SOCS5: variants seen among roughly 807,000 people sequenced by gnomAD.
The protein encoded by SOCS5 is CIS-6.
A neutral mutation model predicts 42.8 loss-of-function variants in SOCS5; 32 were observed. The observed-to-expected ratio is 0.75, with a 90% CI of 0.56 to 1.01. SOCS5 has a LOEUF of 1.01. Ranked by LOEUF, SOCS5 falls within the 50% of genes least tolerant of loss-of-function variation. The probability of loss-of-function intolerance (pLI) is 0.00; values close to 1 mark genes in which losing one functional copy is unlikely to be tolerated. For missense variants in SOCS5, 627 were observed against 653.0 expected, an observed-to-expected ratio of 0.96 and a Z score of 0.43; for synonymous variants, 283 against 229.6, an observed-to-expected ratio of 1.23 and a Z score of -2.10.
At chr2:46,700,973 C>A (rs1428076894) in intron 1 of SOCS5, among the ~76,000 whole-genome samples, 1 of 152,124 alleles carries the variant, frequency 6.6e-6, no homozygotes, top group Non-Finnish European at 1.5e-5. Flanking sequence ...GCCCTTTTAT[C>A]CATCAGAGAA....
chr2:46,717,241 C>T (rs973040811), intron 1 of SOCS5, among the ~76,000 whole-genome samples: 6 of 152,184 alleles, frequency 3.9e-5, no homozygotes, highest in Non-Finnish European at 8.8e-5. Context: ...CTTAGTGAGA[C>T]TACTGACTCT....
intron 1 of SOCS5, among the ~76,000 whole-genome samples, chr2:46,744,324 T>G (rs1398019857): frequency 6.6e-6 from 1 of 152,090 alleles, no homozygotes. Flanking sequence ...TGGAATAATA[T>G]AAGACCACTT....
chr2:46,763,001 T>A lies in SOCS5; in HGVS notation c.*2860T>A, dbSNP rs1673903863. ...GCATTTCCACCTGATACAAAAACAT[T>A]TAGAGATCTTATTCTATAGATATTA... On this transcript the variant is annotated 3_prime_UTR_variant, in exon 2 of 2. Coordinates refer to ENST00000394861, the MANE Select transcript of SOCS5 (RefSeq NM_144949.3). The A allele has an allele frequency of 6.0e-6, 1 of 167,076 alleles. No individual in the cohort carries two copies. The highest frequency in any genetic ancestry group is 2.1e-4 in the South Asian group (1 of 4,824). 10.3% of individuals were successfully genotyped at this position (167,076 alleles called of 1,614,324 possible).
intron 1 of SOCS5, among the ~76,000 whole-genome samples, chr2:46,749,203 A>G (rs766882481): frequency 6.6e-6 from 1 of 152,216 alleles, no homozygotes; most frequent in Non-Finnish European, 1.5e-5. Context: ...TGGGATATCA[A>G]TGCAGAACTG....
chr2:46,711,659 T>G (rs1672625563), intron 1 of SOCS5, among the ~76,000 whole-genome samples: 1 of 152,194 alleles, frequency 6.6e-6, no homozygotes, highest in Non-Finnish European at 1.5e-5. Flanking sequence ...ATGCTAGTGT[T>G]TTTCTGGGTC....
chr2:46,720,682 T>C (rs1672858381), intron 1 of SOCS5, among the ~76,000 whole-genome samples: 1 of 152,198 alleles, frequency 6.6e-6, no homozygotes, highest in Non-Finnish European at 1.5e-5. Context: ...GTAAGGGATC[T>C]GGTCCAATTC....
chr2:46,742,467 C>T (rs1021826368), intron 1 of SOCS5, among the ~76,000 whole-genome samples: 1 of 151,234 alleles, frequency 6.6e-6, no homozygotes, highest in Non-Finnish European at 1.5e-5. Context: ...TGTATCATGT[C>T]GTTTCCATAT....
In SOCS5 at chr2:46,758,540, G is replaced by A. The variant is rs1673778216; in HGVS notation, c.10G>A (p.Val4Met). MDKVGKMWNNFKYR... is the reference protein window; with the variant it reads MDKMGKMWNNFKYR... Reference sequence around the variant, plus strand: ...TTAGATTTTATAATCAATGGATAAAGTGGGAAAAATGTGGAATAACTTCAA... The same window carrying A: ...TTAGATTTTATAATCAATGGATAAAATGGGAAAAATGTGGAATAACTTCAA... The change falls in exon 2 of 2, where the codon GTG becomes ATG. Residue 4 changes from valine (V) to methionine (M), a missense_variant. This residue lies in a region of SOCS5 where 278 missense variants were observed against 246.3 expected (regional missense o/e 1.13). Transcript: ENST00000394861. 1 of 1,586,592 alleles carries A rather than the reference G, an allele frequency of 6.3e-7. No homozygotes were observed. The highest frequency in any genetic ancestry group is 1.7e-4 in the Middle Eastern group (1 of 5,894).
At chr2:46,735,565 T>C (rs1345388307) in intron 1 of SOCS5, among the ~76,000 whole-genome samples, 2 of 151,984 alleles carry the variant, frequency 1.3e-5, no homozygotes, top group Non-Finnish European at 2.9e-5. Context: ...TTAGGCTATA[T>C]TGTCATTTGC....
chr2:46,736,042 C>G (rs929347963), intron 1 of SOCS5, among the ~76,000 whole-genome samples: 18 of 151,070 alleles, frequency 1.2e-4, no homozygotes, highest in African/African-American at 3.9e-4. Context: ...CTCTTTCCCC[C>G]TCTCTCCCTC....
chr2:46,713,699 G>A (rs557667194), intron 1 of SOCS5, among the ~76,000 whole-genome samples: 1 of 151,762 alleles, frequency 6.6e-6, no homozygotes, highest in Admixed American at 6.6e-5. Flanking sequence ...CTTACTTTGG[G>A]TTTAATTTGC....
At chr2:46,758,181 C>G (rs1192832206) in intron 1 of SOCS5, among the ~76,000 whole-genome samples, 4 of 152,174 alleles carry the variant, frequency 2.6e-5, no homozygotes, top group Non-Finnish European at 5.9e-5. Context: ...CATATTTTGC[C>G]TTTGTAATAT....
chr2:46,745,789 A>T (rs1355908744), intron 1 of SOCS5, among the ~76,000 whole-genome samples: 1 of 152,160 alleles, frequency 6.6e-6, no homozygotes, highest in African/African-American at 2.4e-5. Flanking sequence ...ACCATTTGAA[A>T]TTTAATTTTT....
chr2:46,707,577 G>T (rs1672524758), intron 1 of SOCS5, among the ~76,000 whole-genome samples: 1 of 152,210 alleles, frequency 6.6e-6, no homozygotes, highest in South Asian at 2.1e-4. Flanking sequence ...ACCGAGGCAG[G>T]AGGGGAACAA....
intron 1 of SOCS5, among the ~76,000 whole-genome samples, chr2:46,704,188 A>T (rs1304547095): frequency 6.6e-6 from 1 of 152,250 alleles, no homozygotes; most frequent in Non-Finnish European, 1.5e-5. Flanking sequence ...TTAAAATTGT[A>T]TTTGAAATGG....
chr2:46,755,515 C>T (rs1304948948), intron 1 of SOCS5, among the ~76,000 whole-genome samples: 1 of 152,076 alleles, frequency 6.6e-6, no homozygotes, highest in African/African-American at 2.4e-5. Context: ...CTTCCAAAAG[C>T]ATTATAAAAT....
chr2:46,758,502 T>C lies in SOCS5; in HGVS notation c.-12-17T>C, dbSNP rs1322115674. The stretch of plus-strand genomic sequence containing the variant: ...TTTGATTAATTTATTTTTCTCTTTT[T>C]GCTGTTTTGTCTTTAGATTTTATAA... On this transcript the variant is annotated splice_polypyrimidine_tract_variant and intron_variant, in intron 1 of 1. Transcript: ENST00000394861. 2.6e-6 allele frequency: 4 copies of C among 1,520,714 alleles called. No homozygotes were observed. The highest frequency in any genetic ancestry group is 3.6e-6 in the Non-Finnish European group (4 of 1,121,892). The allele number at this position is 1,520,714 out of a possible 1,614,324, so 94.2% of individuals were successfully genotyped here. A position where few individuals can be genotyped will look rare whatever the true frequency, so the allele number is the denominator to read the frequency against.
intron 1 of SOCS5, among the ~76,000 whole-genome samples, chr2:46,713,293 C>A (rs1411304669): frequency 6.6e-6 from 1 of 152,160 alleles, no homozygotes; most frequent in Non-Finnish European, 1.5e-5. Flanking sequence ...GAGGTTGAGG[C>A]TCCAGTGAGC....
At chr2:46,716,986 T>C (rs1672761756) in intron 1 of SOCS5, among the ~76,000 whole-genome samples, 1 of 152,200 alleles carries the variant, frequency 6.6e-6, no homozygotes, top group Non-Finnish European at 1.5e-5. Flanking sequence ...ATCCTGGCCC[T>C]GTGTGAACTC....
Sources: allele counts gnomAD v4.1 joint callset (sites outside exome capture counted in the v4.1 genomes callset), GRCh38; gene constraint gnomAD v4.1.1; regional missense constraint gnomAD v4.1.1; transcripts MANE v1.5; gene names NCBI Gene and HGNC (gene_info 2026-07-23, HGNC 2026-07-21).